The following ABHD17C variants were observed in gnomAD, a reference collection of about 807,000 sequenced individuals.
ABHD17C encodes the protein alpha/beta hydrolase domain-containing protein 17C.
ABHD17C carries 11 observed loss-of-function variants against 27.9 expected under a neutral mutation model. The observed-to-expected ratio is 0.39, with a 90% CI of 0.25 to 0.65. The LOEUF (loss-of-function observed/expected upper bound fraction) is 0.65. Ranked by LOEUF, ABHD17C falls within the 30% of genes least tolerant of loss-of-function variation. ABHD17C has a pLI of 0.45. For synonymous variants in ABHD17C, 233 were observed against 209.1 expected (o/e 1.11, Z -0.98); for missense variants, 280 against 470.2 (o/e 0.60, Z 3.74).
At chr15:80,700,219 G>A (rs1335189578) in intron 1 of ABHD17C, among the ~76,000 whole-genome samples, 1 of 152,222 alleles carries the variant, frequency 6.6e-6, no homozygotes, top group Non-Finnish European at 1.5e-5. Context: ...CATGACTCAA[G>A]AGACAGTGAA....
chr15:80,725,781 A>T (rs945688816), intron 1 of ABHD17C, among the ~76,000 whole-genome samples: 40 of 151,968 alleles, frequency 2.6e-4, no homozygotes, highest in Non-Finnish European at 5.1e-4. Flanking sequence ...AAGCTCTGGG[A>T]TTACAGGTGT....
intron 1 of ABHD17C, among the ~76,000 whole-genome samples, chr15:80,710,751 C>A (rs1356388021): frequency 6.6e-6 from 1 of 151,230 alleles, no homozygotes; most frequent in Non-Finnish European, 1.5e-5. Context: ...TAGCTTTTTT[C>A]TTTTTGTGGA....
At position 80,722,952 on chromosome 15, in the gene ABHD17C, C is replaced by T. The variant is rs868398816; in HGVS notation, c.591-26561C>T. Among the ~76,000 whole-genome samples the T allele has an allele frequency of 4.6e-5, 7 of 152,282 alleles. No individual in the cohort carries two copies. In the South Asian group the frequency reaches 8.3e-4, roughly 18 times the overall value. On this transcript the variant is annotated intron_variant, in intron 1 of 2. Transcript: ENST00000258884. The stretch of plus-strand genomic sequence containing the variant: ...CTTTCGCATCTACAGATTCAACCAA[C>T]CTTGGATGGAAAATAACAGTGTTTA...
chr15:80,713,212 G>A (rs1894750896), intron 1 of ABHD17C, among the ~76,000 whole-genome samples: 1 of 152,074 alleles, frequency 6.6e-6, no homozygotes, highest in African/African-American at 2.4e-5. Flanking sequence ...CAGCCACAGA[G>A]CCAGGCTCTC....
intron 1 of ABHD17C, among the ~76,000 whole-genome samples, chr15:80,708,611 T>C (rs1246868220): frequency 1.3e-5 from 2 of 152,076 alleles, no homozygotes; most frequent in Admixed American, 1.3e-4. Flanking sequence ...ATGGTACATA[T>C]GTTTTGTGAG....
At position 80,702,335 on chromosome 15, in the gene ABHD17C, C is replaced by T. The variant is rs1323697624; in HGVS notation, c.590+6316C>T. ...GCAACATAGTGAGACCTTGTCTCTACAAAAAATAAATTAGCTGGGCATGGT... is the reference window on the plus strand; with the variant it reads ...GCAACATAGTGAGACCTTGTCTCTATAAAAAATAAATTAGCTGGGCATGGT... On this transcript the variant is annotated intron_variant, in intron 1 of 2. Transcript: ENST00000258884. Among the ~76,000 whole-genome samples the T allele has an allele frequency of 2.0e-5, 3 of 151,830 alleles. No homozygotes were observed. The South Asian group carries it at 6.2e-4, about 32-fold the overall frequency.
intron 1 of ABHD17C, among the ~76,000 whole-genome samples, chr15:80,734,609 TTAAAA>T (rs1895102906): frequency 6.6e-6 from 1 of 152,210 alleles, no homozygotes; most frequent in African/African-American, 2.4e-5. Flanking sequence ...TTTTAAAAAA[TTAAAA>T]TGAAGTCATC....
chr15:80,722,064 T>G (rs1894904290), intron 1 of ABHD17C, among the ~76,000 whole-genome samples: 1 of 152,166 alleles, frequency 6.6e-6, no homozygotes, highest in Non-Finnish European at 1.5e-5. Context: ...GGTTTCCATC[T>G]TCCCTGCAGC....
intron 1 of ABHD17C, among the ~76,000 whole-genome samples, chr15:80,745,479 C>A (rs1895270097): frequency 6.6e-6 from 1 of 152,020 alleles, no homozygotes; most frequent in Non-Finnish European, 1.5e-5. Flanking sequence ...AGTGATCCTC[C>A]CACCTCAGCC....
chr15:80,732,947 G>T (rs1018033120), intron 1 of ABHD17C, among the ~76,000 whole-genome samples: 1 of 152,196 alleles, frequency 6.6e-6, no homozygotes, highest in East Asian at 1.9e-4. Context: ...CAGGAAAGTG[G>T]CCTGGATGGG....
At position 80,754,135 on chromosome 15, in the gene ABHD17C, C is replaced by G. The variant is rs57335739; in HGVS notation, c.771-16C>G. 15 of 1,601,266 alleles carry G rather than the reference C, an allele frequency of 9.4e-6. No individual in the cohort carries two copies. In the Middle Eastern group the frequency reaches 5.0e-4, roughly 53 times the overall value. On this transcript the variant is annotated splice_polypyrimidine_tract_variant and intron_variant, in intron 2 of 2. Coordinates refer to ENST00000258884, the MANE Select transcript of ABHD17C (RefSeq NM_021214.2). ...AATGGAGTCCTCTTTCTGCCTCCCC[C>G]CTTTCTGTTTTGCAGCATTGACAAG...
At position 80,714,707 on chromosome 15, in the gene ABHD17C, G is replaced by A. The variant is rs190056039; in HGVS notation, c.590+18688G>A. Among the ~76,000 whole-genome samples the A allele has an allele frequency of 1.6e-4, 25 of 152,206 alleles. 1 individual carries two copies. The East Asian group carries it at 3.9e-3, about 23-fold the overall frequency. On this transcript the variant is annotated intron_variant, in intron 1 of 2. Transcript: ENST00000258884. ...TTTCAATTTCTGTGGATTTTGTAGT[G>A]TTTTAAAACACACACAGACACGCAC...
rs537985562 is a variant in ABHD17C at position 80,705,574 on chromosome 15, C to T, written c.590+9555C>T. Among the ~76,000 whole-genome samples the T allele has an allele frequency of 2.0e-5, 3 of 152,200 alleles. No homozygotes were observed. In the East Asian group the frequency reaches 5.8e-4, roughly 29 times the overall value. ...TGGTATTGTTTAGGATTATTGATAA[C>T]ATTTTTAGAGCTATAATAACCAAAT... On this transcript the variant is annotated intron_variant, in intron 1 of 2. Transcript: ENST00000258884.
At chr15:80,738,878 A>G (rs1464692683) in intron 1 of ABHD17C, among the ~76,000 whole-genome samples, 1 of 152,244 alleles carries the variant, frequency 6.6e-6, no homozygotes. Flanking sequence ...TCATTTAACA[A>G]ATATTTATCA....
intron 1 of ABHD17C, chr15:80,703,445 G>A (rs746394331): frequency 1.3e-5 from 2 of 152,242 alleles, no homozygotes; most frequent in Non-Finnish European, 2.9e-5. Flanking sequence ...TGATCCAACT[G>A]TATGGCTTCT....
intron 1 of ABHD17C, among the ~76,000 whole-genome samples, chr15:80,724,392 T>G (rs1193482680): frequency 2.6e-5 from 4 of 152,112 alleles, no homozygotes; most frequent in African/African-American, 4.8e-5. Context: ...TTAAAATATC[T>G]TGTGTACTTC....
At chr15:80,705,905 T>A (rs1480484789) in intron 1 of ABHD17C, among the ~76,000 whole-genome samples, 1 of 152,186 alleles carries the variant, frequency 6.6e-6, no homozygotes. Context: ...AAACCCTACC[T>A]GTAATCCAAC....
chr15:80,741,013 A>C (rs1300050365), intron 1 of ABHD17C, among the ~76,000 whole-genome samples: 1 of 152,208 alleles, frequency 6.6e-6, no homozygotes, highest in Non-Finnish European at 1.5e-5. Context: ...CCAAGAGCAG[A>C]CATTGCCGTT....
chr15:80,727,934 C>T (rs142701690), intron 1 of ABHD17C, among the ~76,000 whole-genome samples: 26 of 152,232 alleles, frequency 1.7e-4, no homozygotes, highest in African/African-American at 6.0e-4. Flanking sequence ...CTGGGTGCAG[C>T]CGTCATTGGT....
Sources: allele counts gnomAD v4.1 joint callset (sites outside exome capture counted in the v4.1 genomes callset), GRCh38; gene constraint gnomAD v4.1.1; transcripts MANE v1.5; gene names NCBI Gene and HGNC (gene_info 2026-07-23, HGNC 2026-07-21).